Variants in PRKAG3 observed in about 807,000 individuals in gnomAD.
The protein encoded by PRKAG3 is 5'-AMP-activated protein kinase subunit gamma-3.
In PRKAG3, 39 loss-of-function variants were observed where a neutral mutation model predicts 56.5. The observed-to-expected ratio is 0.69, with a 90% CI of 0.53 to 0.90. PRKAG3 has a LOEUF of 0.90. PRKAG3 is among the 40% of genes least tolerant of loss of function. PRKAG3 has a pLI of 0.00. For synonymous variants in PRKAG3, 243 were observed against 250.1 expected (o/e 0.97, Z 0.27); for missense variants, 628 against 627.5 (o/e 1.00, Z -0.01).
exon 3 of PRKAG3, chr2:218,830,790 C>G: frequency 6.2e-7 from 1 of 1,613,204 alleles, no homozygotes; most frequent in East Asian, 2.2e-5. Flanking sequence ...CGACTTCTGC[C>G]TTGTCCATCT....
At chr2:218,825,847 C>T (rs1943924604) in intron 10 of PRKAG3, among the ~76,000 whole-genome samples, 1 of 151,076 alleles carries the variant, frequency 6.6e-6, no homozygotes, top group Admixed American at 6.6e-5. Context: ...ACCTCTGCCT[C>T]CCAGGTTCAA....
At chr2:218,828,403 G>T in intron 5 of PRKAG3, 116 bp downstream of exon 5, 1 of 1,149,816 alleles carries the variant, frequency 8.7e-7, no homozygotes, top group Non-Finnish European at 1.2e-6. Flanking sequence ...CTGGCCCCTG[G>T]CTGGGCTTGG....
chr2:218,831,656 G>T (rs951576245), intron 1 of PRKAG3, 82 bp downstream of exon 1: 1 of 1,513,772 alleles, frequency 6.6e-7, no homozygotes, highest in South Asian at 1.2e-5. Context: ...AGACACACAC[G>T]CCCACACACA....
At chr2:218,826,040 T>A (rs1325782286) in intron 10 of PRKAG3, among the ~76,000 whole-genome samples, 1 of 152,204 alleles carries the variant, frequency 6.6e-6, no homozygotes, top group Non-Finnish European at 1.5e-5. Context: ...ATTACAGGCA[T>A]GAGCCACCGC....
In PRKAG3 at chr2:218,830,291, A is replaced by T. The variant is rs1944000597; in HGVS notation, c.320T>A (p.Val107Glu). 6.2e-7 allele frequency: 1 copy of T among 1,613,250 alleles called. No individual in the cohort carries two copies. The highest frequency in any genetic ancestry group is 1.7e-5 in the Admixed American group (1 of 59,996). ...GTCCCACCCTGTTGGTGGAGTGCCC[A>T]CCCCGGCAGGATCAGCTTGAGCCAA... Residue 107 changes from valine to glutamate, a missense_variant, in exon 4 of 13, where the codon GTG becomes GAG. Val to Glu is a moderately radical substitution (Grantham distance 121, BLOSUM62 -2). Coordinates refer to ENST00000529249, the Ensembl canonical transcript of PRKAG3.
At chr2:218,831,208 C>T in intron 2 of PRKAG3, 128 bp downstream of exon 2, 1 of 773,200 alleles carries the variant, frequency 1.3e-6, no homozygotes, top group Non-Finnish European at 2.1e-6. Context: ...GGAGGAAGAA[C>T]AATGAGGAAG....
intron 10 of PRKAG3, among the ~76,000 whole-genome samples, chr2:218,825,042 A>T (rs2105985975): frequency 6.6e-6 from 1 of 152,288 alleles, no homozygotes; most frequent in South Asian, 2.1e-4. Flanking sequence ...TAAACCATGG[A>T]CTTCAATTGG....
downstream of PRKAG3, chr2:218,822,836 C>G: frequency 4.2e-6 from 4 of 959,444 alleles, no homozygotes; most frequent in Non-Finnish European, 5.0e-6. Context: ...GCCCAGAAAC[C>G]GAGGAATCCA....
At chr2:218,831,001 G>C in intron 2 of PRKAG3, 100 bp from the exon 3 acceptor site, 1 of 1,351,512 alleles carries the variant, frequency 7.4e-7, no homozygotes, top group South Asian at 1.2e-5. Flanking sequence ...CTTCCAATGG[G>C]CTTTTCTCCA....
At chr2:218,822,788 C>T (rs1390371677), downstream of PRKAG3, 1 of 743,814 alleles carries the variant, frequency 1.3e-6, no homozygotes, top group African/African-American at 2.0e-5. Flanking sequence ...GGAACAACAG[C>T]TGGGACTCCC....
chr2:218,824,253 C>A, exon 12 of PRKAG3: 3 of 1,614,134 alleles, frequency 1.9e-6, no homozygotes, highest in Non-Finnish European at 2.5e-6. Flanking sequence ...GATCACTTCC[C>A]CCAAGCTCTC....
Position 218,830,194 on chromosome 2 carries a change from G to A in PRKAG3, c.417C>T (p.Phe139=), listed in dbSNP as rs12328317. ...CACACTCCCAGGCCTCTGTGGCTGG[G>A]AACTCCGTGGCCAGCTCCACATCAT... The change falls in exon 4 of 13, where the codon TTC becomes TTT. Residue 139 remains phenylalanine, a synonymous_variant. Transcript: ENST00000529249. The A allele has an allele frequency of 0.013, 21,254 of 1,614,072 alleles. 2,179 individuals carry two copies. The African/African-American group carries it at 0.24, about 18-fold the overall frequency.
rs952259713 is a variant in PRKAG3 at position 218,827,515 on chromosome 2, G to A, written c.875+60C>T. 6.2e-7 allele frequency: 1 copy of A among 1,600,250 alleles called. No individual in the cohort carries two copies. Among genetic ancestry groups the A allele is most frequent in the African/African-American group, 1.3e-5 (1 of 74,546 alleles). ...TGAAGAGGTGAGTTCAGAGCTGAGT[G>A]GGACTGGGGAAGGGGACTGTGGGAG... On this transcript the variant is annotated intron_variant, in intron 8 of 12. Coordinates refer to ENST00000529249, the Ensembl canonical transcript of PRKAG3. This position sits in a 1 kb window ranked among gnomAD's most constrained non-coding sequence, Gnocchi z 5.3.
intron 12 of PRKAG3, 55 bp downstream of exon 12, chr2:218,824,167 C>T (rs1943896474): frequency 1.9e-6 from 3 of 1,613,418 alleles, no homozygotes; most frequent in East Asian, 2.2e-5. Flanking sequence ...TGGAGCCGTG[C>T]ATGAGAAGGA....
At chr2:218,829,849 A>C in intron 4 of PRKAG3, 129 bp downstream of exon 4, 2 of 1,150,170 alleles carry the variant, frequency 1.7e-6, no homozygotes, top group Non-Finnish European at 2.5e-6. Flanking sequence ...CCATAGTGCT[A>C]AGAAGGAGTC....
chr2:218,822,874 A>G (rs6436094), downstream of PRKAG3: 287,033 of 984,546 alleles, frequency 0.29, 52,504 homozygotes, highest in African/African-American at 0.85. Flanking sequence ...CACTGGGGCC[A>G]TCCGACCCAG....
At position 218,827,155 on chromosome 2, in the gene PRKAG3, T is replaced by A; in HGVS notation, c.1003-62A>T. The A allele has an allele frequency of 6.2e-7, 1 of 1,612,850 alleles. No homozygotes were observed. Among genetic ancestry groups the A allele is most frequent in the Non-Finnish European group, 8.5e-7 (1 of 1,179,778 alleles). ...CAGCAGCTTCAAGAGGGCTCCCAGCTCTTCCCCACGACTGCTAGGGCTGAA... is the reference window on the plus strand; with the variant it reads ...CAGCAGCTTCAAGAGGGCTCCCAGCACTTCCCCACGACTGCTAGGGCTGAA... On this transcript the variant is annotated intron_variant, in intron 9 of 12. Coordinates refer to ENST00000529249, the Ensembl canonical transcript of PRKAG3. This position sits in a 1 kb window ranked among gnomAD's most constrained non-coding sequence, Gnocchi z 5.3.
In PRKAG3 at chr2:218,830,688, C is replaced by G; in HGVS notation, c.229+58G>C. ...CTGAGGTAGAGACCAGACCCAGGCT[C>G]CTCTGGGATTTCCCACTCCCCTGGC... On this transcript the variant is annotated intron_variant, in intron 3 of 12. Transcript: ENST00000529249. 9 of 1,580,342 alleles carry G rather than the reference C, an allele frequency of 5.7e-6. No individual in the cohort carries two copies. The Middle Eastern group carries it at 1.6e-3, about 285-fold the overall frequency.
chr2:218,827,962 C>T lies in PRKAG3; in HGVS notation c.774+42G>A, dbSNP rs758719204. The T allele has an allele frequency of 3.7e-5, 59 of 1,595,660 alleles. No individual in the cohort carries two copies. In the Middle Eastern group the frequency reaches 5.0e-4, roughly 13 times the overall value. ...CTCCAGGAGGACTCCCCTCCGCCCC[C>T]GCCCCTCTGGGTGCCCATAAGATTC... On this transcript the variant is annotated intron_variant, in intron 6 of 12. Transcript: ENST00000529249. This position sits in a 1 kb window ranked among gnomAD's most constrained non-coding sequence, Gnocchi z 5.3.
Sources: gnomAD v4.1 joint callset for allele counts (sites outside exome capture counted in the v4.1 genomes callset) on GRCh38, gnomAD v4.1.1 for gene constraint, Gnocchi (gnomAD v3.1) non-coding constraint, MANE v1.5 for transcripts, NCBI Gene and HGNC (gene_info 2026-07-23, HGNC 2026-07-21) for gene names.